UGT2A3: variants seen among roughly 807,000 people sequenced by gnomAD.
The protein encoded by UGT2A3 is UDP-glucuronosyltransferase 2A3.
In UGT2A3, 55 loss-of-function variants were observed where a neutral mutation model predicts 44.1. The observed-to-expected ratio is 1.25, with a 90% CI of 1.00 to 1.56. The LOEUF is 1.56. Ranked by LOEUF, UGT2A3 falls within the 40% of genes most tolerant of loss-of-function variation. The pLI is 0.00. For synonymous variants in UGT2A3, 243 were observed against 215.1 expected, an observed-to-expected ratio of 1.13 and a Z score of -1.13; for missense variants, 733 against 621.6, an observed-to-expected ratio of 1.18 and a Z score of -1.91.
intron 3 of UGT2A3, among the ~76,000 whole-genome samples, chr4:68,932,079 A>T (rs1203574782): frequency 6.6e-6 from 1 of 151,980 alleles, no homozygotes; most frequent in Admixed American, 6.6e-5. Flanking sequence ...TAAAGTTAAA[A>T]TTAGTGGAGT....
intron 2 of UGT2A3, among the ~76,000 whole-genome samples, chr4:68,937,451 C>T (rs556613306): frequency 2.6e-5 from 4 of 152,208 alleles, no homozygotes. Flanking sequence ...TAACCTGCAC[C>T]TGAATGACTA....
intron 1 of UGT2A3, among the ~76,000 whole-genome samples, chr4:68,947,633 C>T (rs1342104794): frequency 2.6e-5 from 4 of 151,714 alleles, no homozygotes; most frequent in African/African-American, 9.7e-5. Context: ...AATATACTTT[C>T]CCCATTAGTA....
intron 2 of UGT2A3, among the ~76,000 whole-genome samples, chr4:68,933,083 T>C (rs1446492123): frequency 6.6e-6 from 1 of 152,042 alleles, no homozygotes; most frequent in East Asian, 1.9e-4. Context: ...TGCTAAAATA[T>C]AAAATTATTA....
chr4:68,935,139 A>T (rs1213645977), intron 2 of UGT2A3, among the ~76,000 whole-genome samples: 2 of 151,368 alleles, frequency 1.3e-5, no homozygotes, highest in African/African-American at 2.4e-5. Context: ...AAATTTAAAG[A>T]ATAATTAATA....
intron 1 of UGT2A3, among the ~76,000 whole-genome samples, chr4:68,948,445 T>TC (rs1179996990): frequency 1.8e-5 from 2 of 112,326 alleles, no homozygotes; most frequent in Admixed American, 1.2e-4. Context: ...TTTTCTTTTT[T>TC]TTTTTTTTTT....
intron 1 of UGT2A3, among the ~76,000 whole-genome samples, chr4:68,946,619 T>C (rs115975645): frequency 1.2e-4 from 18 of 151,790 alleles, no homozygotes; most frequent in Middle Eastern, 3.4e-3. Flanking sequence ...TTTTAAACAA[T>C]TGGAGTCATT....
chr4:68,945,244 C>G (rs900631351), intron 2 of UGT2A3, 62 bp downstream of exon 2: 1 of 1,584,910 alleles, frequency 6.3e-7, no homozygotes, highest in Non-Finnish European at 8.6e-7. Flanking sequence ...AGGTTGTAAT[C>G]TTTCAAGGGA....
At chr4:68,942,528 T>TAC (rs1560460489) in intron 2 of UGT2A3, among the ~76,000 whole-genome samples, 3 of 71,840 alleles carry the variant, frequency 4.2e-5, no homozygotes, top group African/African-American at 1.2e-4. Flanking sequence ...TATATATATA[T>TAC]ATATATATAT....
At position 68,929,594 on chromosome 4, in the gene UGT2A3, C is replaced by T. The variant is rs1357141551; in HGVS notation, c.*219G>A. On this transcript the variant is annotated 3_prime_UTR_variant, in exon 6 of 6. Coordinates refer to ENST00000251566, the MANE Select transcript of UGT2A3 (RefSeq NM_024743.4). ...TAGGAAAATTTAGATGTATTCATGT[C>T]CTTGTGTCACAAAGTGAGAGAAGAG... 4.5e-6 allele frequency: 2 copies of T among 448,548 alleles called. No homozygotes were observed. Among genetic ancestry groups the T allele is most frequent in the African/African-American group, 4.0e-5 (2 of 50,514 alleles). The allele number at this position is 448,548 out of a possible 1,614,324, so 27.8% of individuals were successfully genotyped here.
chr4:68,930,407 C>A, intron 5 of UGT2A3, 139 bp downstream of exon 5: 1 of 863,864 alleles, frequency 1.2e-6, no homozygotes. Context: ...CACAACTATT[C>A]CAGTAACAAG....
chr4:68,935,278 A>G (rs71615093), intron 2 of UGT2A3, among the ~76,000 whole-genome samples: 22 of 49,482 alleles, frequency 4.4e-4, no homozygotes, highest in African/African-American at 8.0e-4. Context: ...GTATGTATGT[A>G]TATATATATA....
intron 1 of UGT2A3, among the ~76,000 whole-genome samples, chr4:68,946,792 A>G (rs1013433006): frequency 3.3e-5 from 5 of 151,644 alleles, no homozygotes; most frequent in Non-Finnish European, 7.4e-5. Context: ...TCATCTCAAT[A>G]AAAGGAATAT....
Position 68,951,418 on chromosome 4 carries a change from C to A in UGT2A3, c.343G>T (p.Val115Phe), listed in dbSNP as rs1718587052. ...ATTTTTAAAGTTCCTCTTATTTCAA[C>A]AAAAAAATCATTTAATTTTATAACT... ...QSVIKLNDFF[V>F]EIRGTLKMMC... The change falls in exon 1 of 6, where the codon GTT becomes TTT. Residue 115 changes from valine (V) to phenylalanine (F), a missense_variant. Transcript: ENST00000251566. The A allele has an allele frequency of 1.2e-6, 2 of 1,610,802 alleles. No homozygotes were observed. Among genetic ancestry groups the A allele is most frequent in the South Asian group, 1.1e-5 (1 of 90,746 alleles).
intron 2 of UGT2A3, among the ~76,000 whole-genome samples, chr4:68,935,917 C>G (rs549331965): frequency 2.6e-5 from 4 of 152,026 alleles, no homozygotes; most frequent in African/African-American, 9.6e-5. Context: ...ATGACACATG[C>G]GCAAGCTTCA....
intron 3 of UGT2A3, among the ~76,000 whole-genome samples, chr4:68,931,828 A>T (rs935979842): frequency 6.6e-6 from 1 of 151,902 alleles, no homozygotes; most frequent in Non-Finnish European, 1.5e-5. Context: ...TTTTTTACAC[A>T]ATTTTTCTTT....
Position 68,951,158 on chromosome 4 carries a change from G to T in UGT2A3, c.603C>A (p.Asp201Glu). 2 of 1,611,900 alleles carry T rather than the reference G, an allele frequency of 1.2e-6. No individual in the cohort carries two copies. The highest frequency in any genetic ancestry group is 1.7e-6 in the Non-Finnish European group (2 of 1,178,980). ...TTACTCTTTCCAGAAAGGTCATTCT[G>T]TCTGTTAGTCCTGTCATAGGCACAG... ...YVPVPMTGLTDRMTFLERVKN... is the reference protein window; with the variant it reads ...YVPVPMTGLTERMTFLERVKN... The change falls in exon 1 of 6, where the codon GAC becomes GAA. Residue 201 changes from aspartate (D) to glutamate (E), a missense_variant. Physicochemically the swap from Asp to Glu is conservative, Grantham distance 45 (BLOSUM62 2). Transcript: ENST00000251566.
At chr4:68,938,336 C>T (rs889307503) in intron 2 of UGT2A3, among the ~76,000 whole-genome samples, 3 of 152,136 alleles carry the variant, frequency 2.0e-5, no homozygotes, top group Admixed American at 2.0e-4. Context: ...AATCCAGCTG[C>T]ATGTCAAAAA....
At chr4:68,935,005 A>G (rs1397239524) in intron 2 of UGT2A3, among the ~76,000 whole-genome samples, 1 of 151,820 alleles carries the variant, frequency 6.6e-6, no homozygotes, top group Non-Finnish European at 1.5e-5. Context: ...GGACACATAA[A>G]ATAGGACTGG....
intron 3 of UGT2A3, 58 bp downstream of exon 3, chr4:68,932,570 A>C: frequency 1.9e-6 from 3 of 1,548,418 alleles, no homozygotes; most frequent in Non-Finnish European, 2.6e-6. Flanking sequence ...GACCCAAATA[A>C]AACCATACTG....
Sources: gnomAD v4.1 joint callset for allele counts (sites outside exome capture counted in the v4.1 genomes callset) on GRCh38, gnomAD v4.1.1 for gene constraint, MANE v1.5 for transcripts, NCBI Gene and HGNC (gene_info 2026-07-23, HGNC 2026-07-21) for gene names.